DDHD2: variants seen among roughly 807,000 people sequenced by gnomAD.
DDHD2 encodes triacylglycerol hydrolase DDHD2.
A neutral mutation model predicts 91.2 loss-of-function variants in DDHD2; 62 were observed. The observed-to-expected ratio is 0.68, with a 90% CI of 0.55 to 0.84. The LOEUF (loss-of-function observed/expected upper bound fraction) is 0.84, where lower values mean the gene tolerates loss of function less well. Among genes scored for constraint, DDHD2 ranks in the 40% least tolerant of loss-of-function variants. The pLI, the probability that DDHD2 is intolerant of heterozygous loss-of-function variation, is 0.00. For missense variants in DDHD2, 740 were observed against 846.9 expected, an observed-to-expected ratio of 0.87 and a Z score of 1.57; for synonymous variants, 271 against 293.9, an observed-to-expected ratio of 0.92 and a Z score of 0.80.
intron 5 of DDHD2, chr8:38,238,953 A>G (rs1231755041): frequency 6.8e-6 from 1 of 147,238 alleles, no homozygotes; most frequent in Non-Finnish European, 1.5e-5. Flanking sequence ...GTGTGTGTGT[A>G]CACACACAGA....
At position 38,238,118 on chromosome 8, in the gene DDHD2, G is replaced by T; in HGVS notation, c.531G>T (p.Gly177=). ...KLMVHYQPVA[G]SDDWGSTPTE... ...TGGTGCATTACCAGCCAGTTGCAGG[G>T]TCTGATGATTGGGGTTCAACACCCA... Residue 177 remains glycine, a synonymous_variant, in exon 5 of 18, where the codon GGG becomes GGT. Transcript: ENST00000397166. 1 of 1,612,678 alleles carries T rather than the reference G, an allele frequency of 6.2e-7. No individual in the cohort carries two copies. The highest frequency in any genetic ancestry group is 8.5e-7 in the Non-Finnish European group (1 of 1,179,616).
intron 16 of DDHD2, 79 bp from the exon 17 acceptor site, chr8:38,259,961 G>T: frequency 1.1e-6 from 1 of 914,272 alleles, no homozygotes; most frequent in South Asian, 1.4e-5. Context: ...TGGTTGTATG[G>T]ATTAAATGAG....
intron 6 of DDHD2, chr8:38,241,891 T>A: frequency 5.4e-6 from 1 of 186,892 alleles, no homozygotes; most frequent in South Asian, 1.1e-4. Context: ...CCATCTGTAC[T>A]AAAAATACAA....
chr8:38,233,254 C>T, intron 2 of DDHD2, 40 bp downstream of exon 2: 2 of 1,502,988 alleles, frequency 1.3e-6, no homozygotes, highest in South Asian at 1.2e-5. Context: ...AAAGACTCTC[C>T]CCTCTTCAAA....
Position 38,241,310 on chromosome 8 carries a change from G to C in DDHD2, c.713-940G>C, listed in dbSNP as rs116057603. ...AGGGTAGGAATTCAACTGCAAGACTGTTGTTATATTGTCATGTGATTAAAA... is the reference window on the plus strand; with the variant it reads ...AGGGTAGGAATTCAACTGCAAGACTCTTGTTATATTGTCATGTGATTAAAA... On this transcript the variant is annotated intron_variant, in intron 6 of 17. Transcript: ENST00000397166. Among the ~76,000 whole-genome samples, 208 of 151,494 alleles carry C rather than the reference G, an allele frequency of 1.4e-3. 2 individuals carry two copies. The highest frequency in any genetic ancestry group is 4.6e-3 in the African/African-American group (190 of 41,278).
chr8:38,249,759 A>G lies in DDHD2; in HGVS notation c.1300A>G (p.Arg434Gly). ...GGAAATAGGAATTCCTTTAGGACCAAGAAAGAAGATATTAAACTATTTCAG... is the reference window on the plus strand; with the variant it reads ...GGAAATAGGAATTCCTTTAGGACCAGGAAAGAAGATATTAAACTATTTCAG... Reference protein sequence around the residue: ...LQEIGIPLGPRKKILNYFSTR... With the variant: ...LQEIGIPLGPGKKILNYFSTR... The change falls in exon 11 of 18, where the codon AGA (arginine) becomes GGA (glycine). Residue 434 changes from arginine to glycine, a missense_variant. Around this residue, in one of 2 missense-constraint regions of DDHD2, gnomAD observed 693 missense variants for 764.2 expected, o/e 0.91. Transcript: ENST00000397166. The G allele has an allele frequency of 1.2e-6, 2 of 1,612,492 alleles. No homozygotes were observed. Among genetic ancestry groups the G allele is most frequent in the Middle Eastern group, 1.7e-4 (1 of 6,002 alleles).
At chr8:38,268,558 G>GC in intron 1 of DDHD2, 1 of 1,512,596 alleles carries the variant, frequency 6.6e-7, no homozygotes, top group East Asian at 2.5e-5. Context: ...ACTCACTGGA[G>GC]CTAACATAAG....
chr8:38,251,880 G>T (rs778238121), intron 11 of DDHD2, 32 bp from the exon 12 acceptor site: 1 of 1,539,344 alleles, frequency 6.5e-7, no homozygotes, highest in South Asian at 1.1e-5. Context: ...GTCATGCCCA[G>T]CTTCTCCACA....
At chr8:38,260,307 G>T in intron 17 of DDHD2, 160 bp downstream of exon 17, 1 of 493,476 alleles carries the variant, frequency 2.0e-6, no homozygotes, top group South Asian at 3.5e-5. Flanking sequence ...AATTCATGGG[G>T]AAAAAAACAC....
chr8:38,268,970 G>T (rs1412951462), intron 1 of DDHD2: 51 of 1,568,338 alleles, frequency 3.3e-5, no homozygotes, highest in Non-Finnish European at 4.1e-5. Flanking sequence ...TCTCTGGAAC[G>T]GGGGGAGCAG....
In DDHD2 at chr8:38,252,752, A is replaced by C. The variant is rs187350175; in HGVS notation, c.1648A>C (p.Met550Leu). 12 of 1,614,022 alleles carry C rather than the reference A, an allele frequency of 7.4e-6. No homozygotes were observed. Among genetic ancestry groups the C allele is most frequent in the Non-Finnish European group, 9.3e-6 (11 of 1,179,916 alleles). The change falls in exon 14 of 18, where the codon ATG becomes CTG. Residue 550 changes from methionine to leucine, a missense_variant. Met to Leu is a conservative substitution (Grantham distance 15, BLOSUM62 2). Around this residue, in one of 2 missense-constraint regions of DDHD2, gnomAD observed 693 missense variants for 764.2 expected, o/e 0.91. Transcript: ENST00000397166. ...TCCTGTGGCCTATAGGATTGAACCA[A>C]TGGTGGTCCCAGGAGTGGAATTTGA... ...FDPVAYRIEP[M>L]VVPGVEFEPM...
At chr8:38,246,330 G>T (rs1257303790) in intron 9 of DDHD2, 30 bp downstream of exon 9, 1 of 1,542,268 alleles carries the variant, frequency 6.5e-7, no homozygotes, top group South Asian at 1.2e-5. Flanking sequence ...AGGTTTTCTT[G>T]TAGTTTTCCT....
chr8:38,243,453 A>G (rs1407966095), intron 7 of DDHD2, among the ~76,000 whole-genome samples: 16 of 152,160 alleles, frequency 1.1e-4, no homozygotes, highest in Non-Finnish European at 2.9e-5. Flanking sequence ...CTTTTTAGAA[A>G]ACTTTTTTTT....
intron 10 of DDHD2, among the ~76,000 whole-genome samples, chr8:38,248,220 A>AT (rs1410629684): frequency 6.6e-6 from 1 of 151,970 alleles, no homozygotes; most frequent in East Asian, 1.9e-4. Context: ...TAATTTTGAT[A>AT]TTTTTAGTAG....
intron 7 of DDHD2, among the ~76,000 whole-genome samples, chr8:38,242,805 C>T (rs974591859): frequency 6.6e-6 from 1 of 152,138 alleles, no homozygotes; most frequent in Non-Finnish European, 1.5e-5. Context: ...CATTAAACTA[C>T]TAGCATTTAA....
intron 7 of DDHD2, 139 bp downstream of exon 7, chr8:38,242,524 C>T (rs1044797304): frequency 1.1e-6 from 1 of 909,574 alleles, no homozygotes; most frequent in African/African-American, 1.7e-5. Context: ...GCTGATCAGT[C>T]CCTTGGTTTA....
intron 16 of DDHD2, among the ~76,000 whole-genome samples, chr8:38,259,432 C>T (rs1446372222): frequency 1.3e-5 from 2 of 150,770 alleles, no homozygotes; most frequent in African/African-American, 4.9e-5. Flanking sequence ...ATCTGCCAGG[C>T]TGGAGTGCAG....
In DDHD2 at chr8:38,242,382, A is replaced by G; in HGVS notation, c.845A>G (p.Asp282Gly). Residue 282 changes from aspartate to glycine, a missense_variant, in exon 7 of 18, where the codon GAT becomes GGT. Asp to Gly is a moderately conservative substitution (Grantham distance 94). Coordinates refer to ENST00000397166, the MANE Select transcript of DDHD2 (RefSeq NM_015214.3). Reference protein sequence around the residue: ...WHSPLHSTGVDVDLQRITLPS... With the variant: ...WHSPLHSTGVGVDLQRITLPS... ...AGTCCTTTGCATTCTACTGGTGTGG[A>G]TGTGTGAGTAATACTTAATACCTTC... The G allele has an allele frequency of 1.9e-6, 3 of 1,610,646 alleles. No homozygotes were observed. Among genetic ancestry groups the G allele is most frequent in the Non-Finnish European group, 2.5e-6 (3 of 1,179,088 alleles).
intron 5 of DDHD2, 35 bp downstream of exon 5, chr8:38,238,244 A>T: frequency 5.0e-6 from 8 of 1,611,620 alleles, no homozygotes; most frequent in Non-Finnish European, 6.8e-6. Context: ...TTACCTTTGG[A>T]TGTATTTGTT....
Sources: allele counts gnomAD v4.1 joint callset (sites outside exome capture counted in the v4.1 genomes callset), GRCh38; gene constraint gnomAD v4.1.1; regional missense constraint gnomAD v4.1.1; transcripts MANE v1.5; gene names NCBI Gene and HGNC (gene_info 2026-07-23, HGNC 2026-07-21).